Variants in DOCK1 observed in about 807,000 individuals in gnomAD.
The protein encoded by DOCK1 is dedicator of cytokinesis 1, also known as dedicator of cytokinesis protein 1.
DOCK1 carries 138 observed loss-of-function variants against 262.7 expected under a neutral mutation model. The observed-to-expected ratio is 0.53, with a 90% confidence interval of 0.46 to 0.61. The LOEUF is 0.61. DOCK1 is among the 20% of genes least tolerant of loss of function. The probability of loss-of-function intolerance (pLI) is 0.00; values close to 1 mark genes in which losing one functional copy is unlikely to be tolerated. For missense variants in DOCK1, 1,908 were observed against 2,370.7 expected (o/e 0.80, Z 4.05); for synonymous variants, 866 against 867.4 (o/e 1.00, Z 0.03).
At position 127,048,413 on chromosome 10, in the gene DOCK1, A is replaced by AT. The variant is rs576369638; in HGVS notation, c.2202-4259dup. Among the ~76,000 whole-genome samples, 30 of 151,036 alleles carry AT rather than the reference A, an allele frequency of 2.0e-4. 1 individual carries two copies. The highest frequency in any genetic ancestry group is 2.4e-4 in the Non-Finnish European group (16 of 67,704). ...TGTGTTTATACACATAAATATATGT[A>AT]TTTTTTTTTGTCAGACATGATTTTT... On this transcript the variant is annotated intron_variant, in intron 21 of 51. Transcript: ENST00000623213.
At chr10:127,411,864 C>T (rs7916964) in intron 43 of DOCK1, among the ~76,000 whole-genome samples, 38,719 of 151,960 alleles carry the variant, frequency 0.25, 5,182 homozygotes, top group African/African-American at 0.33. Flanking sequence ...CCAGACATTG[C>T]AAAATAAAAC....
intron 27 of DOCK1, among the ~76,000 whole-genome samples, chr10:127,169,209 T>C (rs761058603): frequency 6.6e-6 from 1 of 151,730 alleles, no homozygotes; most frequent in Non-Finnish European, 1.5e-5. Flanking sequence ...ACACACAGAG[T>C]TCCAAAGCAG....
At chr10:127,409,277 A>G (rs952272428) in intron 41 of DOCK1, 36 bp from the exon 42 acceptor site, 30 of 1,613,364 alleles carry the variant, frequency 1.9e-5, no homozygotes, top group East Asian at 6.7e-5. Context: ...GTTGATGTCT[A>G]TGCTGCCTTA....
intron 1 of DOCK1, among the ~76,000 whole-genome samples, chr10:126,909,017 A>G (rs9422852): frequency 0.25 from 37,606 of 152,130 alleles, 5,313 homozygotes; most frequent in East Asian, 0.53. Flanking sequence ...TGTGAATTCA[A>G]TATGTTACAT....
chr10:127,401,959 T>A (rs948632118), intron 38 of DOCK1, among the ~76,000 whole-genome samples: 23 of 152,308 alleles, frequency 1.5e-4, no homozygotes, highest in African/African-American at 5.5e-4. Flanking sequence ...AAGCCTGGCC[T>A]GTTGGGTGGT....
intron 9 of DOCK1, among the ~76,000 whole-genome samples, chr10:126,999,791 C>T (rs2040457079): frequency 6.6e-6 from 1 of 152,170 alleles, no homozygotes; most frequent in Non-Finnish European, 1.5e-5. Flanking sequence ...GTTCTCCTGC[C>T]TCAGCTCCCG....
intron 46 of DOCK1, among the ~76,000 whole-genome samples, chr10:127,424,182 C>T (rs1276787109): frequency 6.6e-6 from 1 of 152,208 alleles, no homozygotes; most frequent in Non-Finnish European, 1.5e-5. Context: ...AGACATATAA[C>T]AGGGAACCAG....
At position 127,403,075 on chromosome 10, in the gene DOCK1, C is replaced by T. The variant is rs1487504533; in HGVS notation, c.3948C>T (p.Ala1316=). Residue 1316 remains alanine (A), a synonymous_variant, in exon 39 of 52, where the codon GCC becomes GCT. Transcript: ENST00000623213. ...CACAGATGTGGGAGGAGGCCATTGCCTTGGGCAAGGAGCTAGCCGAGCAGT... is the reference window on the plus strand; with the variant it reads ...CACAGATGTGGGAGGAGGCCATTGCTTTGGGCAAGGAGCTAGCCGAGCAGT... ...DKGKMWEEAI[A]LGKELAEQYE... The T allele has an allele frequency of 6.2e-7, 1 of 1,612,676 alleles. No individual in the cohort carries two copies. The highest frequency in any genetic ancestry group is 2.2e-5 in the East Asian group (1 of 44,880).
chr10:127,070,895 C>T (rs1373290618), intron 23 of DOCK1, among the ~76,000 whole-genome samples: 1 of 152,058 alleles, frequency 6.6e-6, no homozygotes, highest in Non-Finnish European at 1.5e-5. Context: ...CTTGCACAGA[C>T]AGCTGCTGTG....
intron 38 of DOCK1, among the ~76,000 whole-genome samples, chr10:127,385,596 G>A (rs116286960): frequency 0.013 from 1,963 of 152,122 alleles, 35 homozygotes; most frequent in African/African-American, 0.044. Context: ...TGAAGGTACC[G>A]ACGTTCACAT....
At chr10:127,280,426 G>A (rs1260451130) in intron 29 of DOCK1, among the ~76,000 whole-genome samples, 1 of 151,712 alleles carries the variant, frequency 6.6e-6, no homozygotes, top group East Asian at 1.9e-4. Flanking sequence ...TTTTTATTTT[G>A]ACAGACATAC....
At chr10:127,073,119 G>A (rs903438165) in intron 23 of DOCK1, among the ~76,000 whole-genome samples, 4 of 152,224 alleles carry the variant, frequency 2.6e-5, no homozygotes, top group Admixed American at 6.5e-5. Flanking sequence ...TAAGTTTGCA[G>A]CATTGAGGCC....
At chr10:127,402,820 A>C (rs1347868151) in intron 38 of DOCK1, 11 of 633,500 alleles carry the variant, frequency 1.7e-5, no homozygotes, top group Non-Finnish European at 2.7e-5. Flanking sequence ...CCATGGCCAG[A>C]GGCCTGCGTG....
intron 27 of DOCK1, among the ~76,000 whole-genome samples, chr10:127,203,565 A>G: frequency 6.6e-6 from 1 of 152,110 alleles, no homozygotes; most frequent in East Asian, 1.9e-4. Context: ...AAAAGTACAG[A>G]ATTAAAAATA....
At chr10:127,045,685 C>T (rs963603076) in intron 21 of DOCK1, among the ~76,000 whole-genome samples, 2 of 152,188 alleles carry the variant, frequency 1.3e-5, no homozygotes, top group Non-Finnish European at 2.9e-5. Context: ...GGCTCCCCTG[C>T]GTGGGTAGTT....
intron 33 of DOCK1, among the ~76,000 whole-genome samples, chr10:127,365,637 T>G (rs1302805798): frequency 1.3e-5 from 2 of 152,240 alleles, no homozygotes; most frequent in Non-Finnish European, 2.9e-5. Context: ...TGTCATTTTT[T>G]AATCAGTCTT....
chr10:127,287,297 G>A (rs1359666360), intron 29 of DOCK1, among the ~76,000 whole-genome samples: 1 of 151,626 alleles, frequency 6.6e-6, no homozygotes, highest in Non-Finnish European at 1.5e-5. Context: ...CGAACTCTTG[G>A]GCTCAAGCAA....
At chr10:127,186,603 G>A (rs1401904948) in intron 27 of DOCK1, among the ~76,000 whole-genome samples, 2 of 150,366 alleles carry the variant, frequency 1.3e-5, no homozygotes, top group Non-Finnish European at 3.0e-5. Flanking sequence ...GATTTGGGTG[G>A]GGACAGAGAG....
chr10:127,353,726 G>A (rs1308470619), intron 31 of DOCK1, among the ~76,000 whole-genome samples: 1 of 152,238 alleles, frequency 6.6e-6, no homozygotes, highest in East Asian at 1.9e-4. Context: ...TTGATCTTCT[G>A]TGGTTGAGAT....
Sources: gnomAD v4.1 joint callset for allele counts (sites outside exome capture counted in the v4.1 genomes callset) on GRCh38, gnomAD v4.1.1 for gene constraint, MANE v1.5 for transcripts, NCBI Gene and HGNC (gene_info 2026-07-23, HGNC 2026-07-21) for gene names.